RNF125: variants seen among roughly 807,000 people sequenced by gnomAD.
The protein encoded by RNF125 is E3 ubiquitin-protein ligase RNF125.
A neutral mutation model predicts 26.0 loss-of-function variants in RNF125; 21 were observed. That is an observed-to-expected ratio of 0.81 (90% CI 0.57 to 1.16). The LOEUF (loss-of-function observed/expected upper bound fraction) is 1.16. Among genes scored for constraint, RNF125 ranks in the 50% most tolerant of loss-of-function variants. The pLI is 0.00. For missense variants in RNF125, 270 were observed against 299.4 expected (o/e 0.90, Z 0.72); for synonymous variants, 95 against 109.2 (o/e 0.87, Z 0.81).
intron 4 of RNF125, 44 bp from the exon 5 acceptor site, chr18:32,065,858 G>A (rs746729692): frequency 1.8e-5 from 24 of 1,363,084 alleles, no homozygotes; most frequent in East Asian, 9.2e-5. Flanking sequence ...CACTAATAAC[G>A]ATTTTAAATT....
At chr18:32,021,235 A>C (rs891486593) in intron 1 of RNF125, among the ~76,000 whole-genome samples, 2 of 152,084 alleles carry the variant, frequency 1.3e-5, no homozygotes, top group Non-Finnish European at 2.9e-5. Context: ...TGCCGCCACC[A>C]CGCCCGGCTA....
At chr18:32,088,439 TTTTA>T in the RNF125 span, among the ~76,000 whole-genome samples, 14 of 152,214 alleles carry the variant, frequency 9.2e-5, no homozygotes, top group African/African-American at 2.9e-4. Context: ...TTCTAAATTA[TTTTA>T]TTTTTCTCTT....
intron 4 of RNF125, among the ~76,000 whole-genome samples, chr18:32,049,189 G>C (rs1288054252): frequency 6.6e-6 from 1 of 152,164 alleles, no homozygotes; most frequent in Admixed American, 6.5e-5. Context: ...GATTTTACAG[G>C]TCTTCAGGGT....
intron 1 of RNF125, among the ~76,000 whole-genome samples, chr18:32,026,547 C>A (rs1228548822): frequency 6.6e-6 from 1 of 152,016 alleles, no homozygotes; most frequent in Non-Finnish European, 1.5e-5. Context: ...GCCTGAGCAC[C>A]CAGTCTTTTG....
chr18:32,090,695 G>A, the RNF125 span, among the ~76,000 whole-genome samples: 27 of 152,256 alleles, frequency 1.8e-4, no homozygotes, highest in African/African-American at 6.3e-4. Flanking sequence ...TGATAGATAT[G>A]TAATAATGTA....
At chr18:32,034,953 G>A (rs1005456256) in intron 1 of RNF125, among the ~76,000 whole-genome samples, 3 of 150,290 alleles carry the variant, frequency 2.0e-5, no homozygotes, top group East Asian at 2.0e-4. Context: ...TAAAAGGAAA[G>A]GGTAGGAACC....
the RNF125 span, among the ~76,000 whole-genome samples, chr18:32,079,405 G>A: frequency 6.6e-6 from 1 of 152,204 alleles, no homozygotes; most frequent in African/African-American, 2.4e-5. Context: ...CAAACATTCA[G>A]TCCTTAACAA....
At position 32,037,266 on chromosome 18, in the gene RNF125, C is replaced by T; in HGVS notation, c.315C>T (p.Thr105=). The T allele has an allele frequency of 6.4e-7, 1 of 1,562,650 alleles. No individual in the cohort carries two copies. The highest frequency in any genetic ancestry group is 8.6e-7 in the Non-Finnish European group (1 of 1,159,442). The change falls in exon 2 of 6, where the codon ACC becomes ACT. Residue 105 remains threonine (T), a synonymous_variant. Coordinates refer to ENST00000217740, the MANE Select transcript of RNF125 (RefSeq NM_017831.4). ...ATAAGAACTGCGCTGAGTGTGACACCCTGGTATGTATGTGACCCCACCTAT... is the reference window on the plus strand; with the variant it reads ...ATAAGAACTGCGCTGAGTGTGACACTCTGGTATGTATGTGACCCCACCTAT... ...SEYKNCAECD[T]LVCLSEMRAH...
chr18:32,063,895 G>A (rs2039457471), intron 4 of RNF125, among the ~76,000 whole-genome samples: 2 of 151,448 alleles, frequency 1.3e-5, no homozygotes, highest in Admixed American at 1.3e-4. Flanking sequence ...ACAGAGCAGA[G>A]GTTAGGGAGA....
chr18:32,085,373 C>CAGAGAGAGAGAGAG, the RNF125 span, among the ~76,000 whole-genome samples: 645 of 128,708 alleles, frequency 5.0e-3, 10 homozygotes, highest in African/African-American at 0.018. Flanking sequence ...CTGCCAGAAG[C>CAGAGAGAGAGAGAG]AGAGAGAGAG....
intron 4 of RNF125, among the ~76,000 whole-genome samples, chr18:32,061,105 A>C (rs950843653): frequency 6.6e-6 from 1 of 152,118 alleles, no homozygotes; most frequent in Admixed American, 6.5e-5. Context: ...GCTCACTGCA[A>C]GCTCCGCCTC....
intron 1 of RNF125, among the ~76,000 whole-genome samples, chr18:32,035,526 A>G (rs2039144275): frequency 6.6e-6 from 1 of 152,232 alleles, no homozygotes; most frequent in South Asian, 2.1e-4. Flanking sequence ...CATTAACAAC[A>G]GAAGGGTAAA....
chr18:32,085,984 A>AATT, the RNF125 span, among the ~76,000 whole-genome samples: 1 of 152,102 alleles, frequency 6.6e-6, no homozygotes, highest in East Asian at 1.9e-4. Flanking sequence ...GAAGGTGTTT[A>AATT]ATTAATCTTG....
intron 1 of RNF125, chr18:32,031,096 G>A (rs1458633903): frequency 1.3e-5 from 2 of 151,946 alleles, no homozygotes; most frequent in Non-Finnish European, 2.9e-5. Context: ...ACCACAAGAG[G>A]AACCAAGTTT....
intron 2 of RNF125, 137 bp from the exon 3 acceptor site, chr18:32,042,042 C>A: frequency 1.5e-6 from 1 of 659,530 alleles, no homozygotes; most frequent in South Asian, 1.7e-5. Flanking sequence ...TTTGGTGGTA[C>A]TGGTGTTACG....
Position 32,036,279 on chromosome 18 carries a change from A to G in RNF125, c.165-837A>G, listed in dbSNP as rs952556179. 4.6e-5 allele frequency among the ~76,000 whole-genome samples: 7 copies of G among 152,058 alleles called. No homozygotes were observed. In the East Asian group the frequency reaches 1.4e-3, roughly 29 times the overall value. On this transcript the variant is annotated intron_variant, in intron 1 of 5. Transcript: ENST00000217740. Reference sequence around the variant, plus strand: ...TGAAATTTCATTCAACTATATGCTTATAAGAACTTTCCAGTATGTACAGTA... The same window carrying G: ...TGAAATTTCATTCAACTATATGCTTGTAAGAACTTTCCAGTATGTACAGTA...
chr18:32,056,621 C>CA (rs58384246), intron 4 of RNF125, among the ~76,000 whole-genome samples: 2,193 of 95,176 alleles, frequency 0.023, 80 homozygotes, highest in African/African-American at 0.079. Flanking sequence ...AACTCCGTCT[C>CA]AAAAAAAAAA....
chr18:32,033,926 A>C (rs1203851942), intron 1 of RNF125, among the ~76,000 whole-genome samples: 1 of 152,134 alleles, frequency 6.6e-6, no homozygotes, highest in Non-Finnish European at 1.5e-5. Flanking sequence ...TCCCATCCCC[A>C]GAAAACAACA....
At chr18:32,082,325 A>C in the RNF125 span, among the ~76,000 whole-genome samples, 2 of 151,346 alleles carry the variant, frequency 1.3e-5, no homozygotes, top group African/African-American at 4.9e-5. Flanking sequence ...TACACACACA[A>C]ACACACACAC....
Sources: gnomAD v4.1 joint callset for allele counts (sites outside exome capture counted in the v4.1 genomes callset) on GRCh38, gnomAD v4.1.1 for gene constraint, MANE v1.5 for transcripts, NCBI Gene and HGNC (gene_info 2026-07-23, HGNC 2026-07-21) for gene names.